OTUD7A: variants seen among roughly 807,000 people sequenced by gnomAD.
OTUD7A encodes OTU domain-containing protein 7A.
In OTUD7A, 12 loss-of-function variants were observed where a neutral mutation model predicts 65.7. The observed-to-expected ratio is 0.18, with a 90% CI of 0.12 to 0.30. OTUD7A has a LOEUF of 0.30. OTUD7A is among the 10% of genes least tolerant of loss of function. OTUD7A has a pLI of 1.00. For synonymous variants in OTUD7A, 641 were observed against 586.3 expected, an observed-to-expected ratio of 1.09 and a Z score of -1.35; for missense variants, 1,148 against 1,304.8, an observed-to-expected ratio of 0.88 and a Z score of 1.85.
intron 1 of OTUD7A, among the ~76,000 whole-genome samples, chr15:31,782,725 G>C (rs920333409): frequency 6.6e-6 from 1 of 151,956 alleles, no homozygotes. Flanking sequence ...GATTGGCTTG[G>C]GGGTACAGAG....
intron 1 of OTUD7A, among the ~76,000 whole-genome samples, chr15:31,671,421 T>C (rs1204480655): frequency 6.6e-6 from 1 of 152,226 alleles, no homozygotes; most frequent in African/African-American, 2.4e-5. Flanking sequence ...CATTGGTCTA[T>C]GTGTCTGTTT....
At position 31,480,639 on chromosome 15, in the gene OTUD7A, G is replaced by C. The variant is rs1317416020; in HGVS notation, c.*2655C>G. 1.3e-5 allele frequency: 2 copies of C among 152,278 alleles called. No individual in the cohort carries two copies. Among genetic ancestry groups the C allele is most frequent in the Non-Finnish European group, 2.9e-5 (2 of 68,062 alleles). 9.4% of individuals were successfully genotyped at this position (152,278 alleles called of 1,614,324 possible). ...CTGAAGTTGGTCTCTGGCCAGGGACGAGGTCTACACGCCTCTTCTCAAGGA... is the reference window on the plus strand; with the variant it reads ...CTGAAGTTGGTCTCTGGCCAGGGACCAGGTCTACACGCCTCTTCTCAAGGA... On this transcript the variant is annotated 3_prime_UTR_variant, in exon 13 of 13. Coordinates refer to ENST00000307050, the MANE Select transcript of OTUD7A (RefSeq NM_001382637.1).
At chr15:31,628,344 T>C (rs1566950605) in intron 3 of OTUD7A, among the ~76,000 whole-genome samples, 1 of 152,228 alleles carries the variant, frequency 6.6e-6, no homozygotes, top group Non-Finnish European at 1.5e-5. Context: ...ATTTATTAAA[T>C]AGGGAATCCT....
intron 1 of OTUD7A, among the ~76,000 whole-genome samples, chr15:31,736,204 A>G (rs1217336610): frequency 3.9e-5 from 6 of 152,162 alleles, no homozygotes; most frequent in Non-Finnish European, 8.8e-5. Flanking sequence ...CCTGAACTTA[A>G]AAGTTATAAA....
intron 3 of OTUD7A, among the ~76,000 whole-genome samples, chr15:31,582,409 C>T (rs1889399588): frequency 6.6e-6 from 1 of 152,242 alleles, no homozygotes; most frequent in Admixed American, 6.5e-5. Flanking sequence ...CAGCACCACC[C>T]CATTCTACCA....
chr15:31,583,385 C>T (rs561691073), intron 3 of OTUD7A, among the ~76,000 whole-genome samples: 2 of 152,176 alleles, frequency 1.3e-5, no homozygotes, highest in Non-Finnish European at 2.9e-5. Flanking sequence ...TTTGTAAATC[C>T]AGGCCACTGA....
intron 1 of OTUD7A, among the ~76,000 whole-genome samples, chr15:31,676,954 TAA>T (rs1892607726): frequency 1.3e-5 from 2 of 152,332 alleles, no homozygotes; most frequent in East Asian, 3.9e-4. Flanking sequence ...CTTGCGGTAA[TAA>T]AGTGTGCTGG....
intron 6 of OTUD7A, among the ~76,000 whole-genome samples, chr15:31,529,076 T>C (rs1031857351): frequency 3.3e-5 from 5 of 152,140 alleles, no homozygotes; most frequent in Admixed American, 3.3e-4. Flanking sequence ...GAAAATGCTG[T>C]GGGGTGTGGC....
chr15:31,779,768 G>GT (rs1895487826), intron 1 of OTUD7A, among the ~76,000 whole-genome samples: 2 of 152,104 alleles, frequency 1.3e-5, no homozygotes, highest in Non-Finnish European at 2.9e-5. Context: ...AGGGGTGGAT[G>GT]AGAGAGAAAT....
chr15:31,815,665 T>C (rs565823344), intron 1 of OTUD7A, among the ~76,000 whole-genome samples: 1 of 152,312 alleles, frequency 6.6e-6, no homozygotes, highest in African/African-American at 2.4e-5. Context: ...CGCTAGGCTA[T>C]GAAGTGGTGG....
At chr15:31,586,382 G>A (rs781357951) in intron 3 of OTUD7A, among the ~76,000 whole-genome samples, 2 of 152,198 alleles carry the variant, frequency 1.3e-5, no homozygotes, top group African/African-American at 2.4e-5. Context: ...TAGATAGCAA[G>A]TCCTAGAAGG....
chr15:31,792,209 T>C (rs1895836193), intron 1 of OTUD7A, among the ~76,000 whole-genome samples: 1 of 152,176 alleles, frequency 6.6e-6, no homozygotes, highest in Non-Finnish European at 1.5e-5. Flanking sequence ...CTTTATTTAC[T>C]TCATAAAACC....
At chr15:31,805,394 C>A (rs753067553) in intron 1 of OTUD7A, among the ~76,000 whole-genome samples, 3 of 152,210 alleles carry the variant, frequency 2.0e-5, no homozygotes, top group Non-Finnish European at 2.9e-5. Context: ...CCAGGGCCCA[C>A]TGAATGCCTG....
chr15:31,562,653 T>C (rs901850336), intron 4 of OTUD7A, among the ~76,000 whole-genome samples: 5 of 152,080 alleles, frequency 3.3e-5, no homozygotes, highest in Non-Finnish European at 1.5e-5. Flanking sequence ...GCGTGTCTTA[T>C]GACACCTGAT....
rs377585754 is a variant in OTUD7A, at chr15:31,645,005, G to C, written c.151+10091C>G. On this transcript the variant is annotated intron_variant, in intron 3 of 12. Coordinates refer to ENST00000307050, the MANE Select transcript of OTUD7A (RefSeq NM_001382637.1). ...CTGATCGGCACTTGGCTGAGTGGCA[G>C]AGGCAAACCCTCTGTGAATCGCTGC... Among the ~76,000 whole-genome samples, 273 of 152,268 alleles carry C rather than the reference G, an allele frequency of 1.8e-3. 1 individual carries two copies. Among genetic ancestry groups the C allele is most frequent in the African/African-American group, 5.6e-3 (232 of 41,558 alleles).
intron 1 of OTUD7A, among the ~76,000 whole-genome samples, chr15:31,864,314 C>T (rs9920605): frequency 0.023 from 3,527 of 152,308 alleles, 68 homozygotes; most frequent in Non-Finnish European, 0.038. Context: ...CCCCACTCTA[C>T]TGGTACCAAT....
At chr15:31,739,099 GGGTCTGGGACTGATTT>G (rs1894269300) in intron 1 of OTUD7A, among the ~76,000 whole-genome samples, 2 of 152,158 alleles carry the variant, frequency 1.3e-5, no homozygotes, top group African/African-American at 4.8e-5. Flanking sequence ...TTCTGGATGT[GGGTCTGGGACTGATTT>G]ACAAACACCC....
intron 1 of OTUD7A, among the ~76,000 whole-genome samples, chr15:31,791,488 T>A (rs917127188): frequency 2.0e-5 from 3 of 152,038 alleles, no homozygotes; most frequent in Non-Finnish European, 4.4e-5. Context: ...AGTAGGAGGG[T>A]CAATGAAATG....
At chr15:31,830,983 TA>T (rs1294105469) in intron 1 of OTUD7A, among the ~76,000 whole-genome samples, 6 of 152,176 alleles carry the variant, frequency 3.9e-5, no homozygotes, top group Non-Finnish European at 8.8e-5. Flanking sequence ...TGGAACAGAA[TA>T]AAGGGCCCAG....
Sources: allele counts gnomAD v4.1 joint callset (sites outside exome capture counted in the v4.1 genomes callset), GRCh38; gene constraint gnomAD v4.1.1; transcripts MANE v1.5; gene names NCBI Gene and HGNC (gene_info 2026-07-23, HGNC 2026-07-21).